The following EVC2 variants were observed in gnomAD, a reference collection of about 807,000 sequenced individuals.
EVC2 encodes the protein limbin.
Under a neutral mutation model 149.3 loss-of-function variants are expected in EVC2, and 148 were observed. The observed-to-expected ratio is 0.99, with a 90% CI of 0.87 to 1.14. The LOEUF is 1.14. Among genes scored for constraint, EVC2 ranks in the 50% most tolerant of loss-of-function variants. EVC2 has a pLI of 0.00. For synonymous variants in EVC2, 776 were observed against 649.9 expected, an observed-to-expected ratio of 1.19 and a Z score of -2.95; for missense variants, 1,854 against 1,627.3, an observed-to-expected ratio of 1.14 and a Z score of -2.40.
intron 17 of EVC2, among the ~76,000 whole-genome samples, chr4:5,580,323 A>T (rs1223968786): frequency 6.6e-6 from 1 of 152,270 alleles, no homozygotes; most frequent in East Asian, 1.9e-4. Flanking sequence ...ATTTAAGAAT[A>T]CGGCATCATC....
chr4:5,592,419 C>G (rs2108798214), intron 16 of EVC2, among the ~76,000 whole-genome samples: 1 of 152,264 alleles, frequency 6.6e-6, no homozygotes, highest in Admixed American at 6.5e-5. Flanking sequence ...TGAGAGAGGT[C>G]TTATTGTTAC....
chr4:5,691,150 A>G, intron 4 of EVC2, 115 bp downstream of exon 4: 2 of 900,130 alleles, frequency 2.2e-6, no homozygotes, highest in Non-Finnish European at 3.7e-6. Flanking sequence ...ATGTGTCTAG[A>G]CTTGTGTAGG....
intron 21 of EVC2, among the ~76,000 whole-genome samples, chr4:5,555,602 A>G (rs1162868365): frequency 6.6e-6 from 1 of 152,232 alleles, no homozygotes; most frequent in African/African-American, 2.4e-5. Context: ...ATCACCATAT[A>G]TAAGCATAAT....
chr4:5,611,841 G>C (rs1002899625), intron 16 of EVC2, among the ~76,000 whole-genome samples: 1 of 152,152 alleles, frequency 6.6e-6, no homozygotes, highest in African/African-American at 2.4e-5. Flanking sequence ...TAGGGCCTGA[G>C]TCATGTGACA....
intron 8 of EVC2, among the ~76,000 whole-genome samples, chr4:5,664,137 T>C (rs1357878505): frequency 6.6e-6 from 1 of 152,218 alleles, no homozygotes; most frequent in African/African-American, 2.4e-5. Context: ...ATGAAGCTGT[T>C]ACAACAACGC....
intron 7 of EVC2, among the ~76,000 whole-genome samples, chr4:5,675,219 C>T (rs1719912439): frequency 6.6e-6 from 1 of 152,190 alleles, no homozygotes; most frequent in Admixed American, 6.5e-5. Context: ...TATCTGAGTG[C>T]TGTTTTTAAA....
rs73063787 is a variant in EVC2, at chr4:5,638,819, G to A, written c.1470+1695C>T. Among the ~76,000 whole-genome samples the A allele has an allele frequency of 5.3e-3, 800 of 152,230 alleles. 4 individuals carry two copies. Among genetic ancestry groups the A allele is most frequent in the African/African-American group, 0.016 (685 of 41,518 alleles). On this transcript the variant is annotated intron_variant, in intron 10 of 21. Coordinates refer to ENST00000344408, the MANE Select transcript of EVC2 (RefSeq NM_147127.5). ...AAGACAGAGCAAAGATTTAAGTGAC[G>A]CAGTTACAACCCCAGGAACACCCGG...
chr4:5,617,012 T>C (rs949581566), intron 15 of EVC2, among the ~76,000 whole-genome samples: 12 of 152,216 alleles, frequency 7.9e-5, no homozygotes, highest in African/African-American at 2.7e-4. Flanking sequence ...TCAAAAATAT[T>C]TAAAATTTTT....
intron 9 of EVC2, among the ~76,000 whole-genome samples, chr4:5,649,563 G>A (rs1019710861): frequency 2.0e-5 from 3 of 151,294 alleles, no homozygotes; most frequent in African/African-American, 7.4e-5. Flanking sequence ...CAAGCAAGGT[G>A]TCAGAACAAA....
chr4:5,608,397 C>T (rs1577150979), intron 16 of EVC2, among the ~76,000 whole-genome samples: 1 of 152,192 alleles, frequency 6.6e-6, no homozygotes, highest in African/African-American at 2.4e-5. Flanking sequence ...AGGGACCTCC[C>T]ACTCTCAAGA....
At chr4:5,542,374 G>C (rs1721530901), downstream of EVC2, among the ~76,000 whole-genome samples, 1 of 152,196 alleles carries the variant, frequency 6.6e-6, no homozygotes, top group Admixed American at 6.5e-5. Flanking sequence ...AGGACCACTT[G>C]AGCCTGGGAG....
intron 12 of EVC2, among the ~76,000 whole-genome samples, chr4:5,626,714 C>T (rs1321525292): frequency 2.6e-5 from 4 of 152,140 alleles, no homozygotes; most frequent in Non-Finnish European, 4.4e-5. Context: ...GTAAAGCAGA[C>T]GGCCCTCCCC....
rs1283422559 is a variant in EVC2, at chr4:5,697,598, G to A, written c.278C>T (p.Thr93Ile). ...CAACCAGAAGAAAAACTCACCTGCA[G>A]TCTTAAAGTGACAGCATTCCACTTT... ...WPKVECCHFK[T>I]AVEAPLGMKL... is the part of the protein sequence containing the mutation. Residue 93 changes from threonine (T) to isoleucine (I), a missense_variant, in exon 2 of 22, where the codon ACT becomes ATT. Coordinates refer to ENST00000344408, the MANE Select transcript of EVC2 (RefSeq NM_147127.5). 1 of 1,614,142 alleles carries A rather than the reference G, an allele frequency of 6.2e-7. No individual in the cohort carries two copies. Among genetic ancestry groups the A allele is most frequent in the East Asian group, 2.2e-5 (1 of 44,888 alleles).
Position 5,677,967 on chromosome 4 carries a change from C to G in EVC2, c.870+3293G>C, listed in dbSNP as rs1380758144. On this transcript the variant is annotated intron_variant, in intron 7 of 21. Coordinates refer to ENST00000344408, the MANE Select transcript of EVC2 (RefSeq NM_147127.5). The surrounding 1 kb of genome is among the most constrained non-coding windows in gnomAD (Gnocchi z 4.3). ...GGAGGCGGTGTGGTCCAGTGCCTGA[C>G]AGCAGGGCTCTGGAGCCAAACTGCT... Among the ~76,000 whole-genome samples, 1 of 152,196 alleles carries G rather than the reference C, an allele frequency of 6.6e-6. No individual in the cohort carries two copies. The highest frequency in any genetic ancestry group is 1.5e-5 in the Non-Finnish European group (1 of 68,034).
intron 7 of EVC2, among the ~76,000 whole-genome samples, chr4:5,666,906 T>C (rs986880110): frequency 6.6e-6 from 1 of 152,228 alleles, no homozygotes; most frequent in Non-Finnish European, 1.5e-5. Flanking sequence ...GTTTGACTGA[T>C]AGTATGGCTG....
rs1715442469 is a variant in EVC2 at position 5,618,568 on chromosome 4, C to G, written c.2616G>C (p.Arg872=). 2 of 1,614,154 alleles carry G rather than the reference C, an allele frequency of 1.2e-6. No homozygotes were observed. Among genetic ancestry groups the G allele is most frequent in the Non-Finnish European group, 8.5e-7 (1 of 1,180,040 alleles). ...GAAATTGCTGCAGCAGAACTCGGGC[C>G]CGGATCTTGGGGAGGGCCAAGCTCC... ...MDRSLALPKI[R]ARVLLQQFQT... is the part of the protein sequence containing the mutation. Residue 872 remains arginine (R), a synonymous_variant, in exon 15 of 22, where the codon CGG becomes CGC. Transcript: ENST00000344408. This position sits in a 1 kb window ranked among gnomAD's most constrained non-coding sequence, Gnocchi z 4.4.
intron 17 of EVC2, among the ~76,000 whole-genome samples, chr4:5,583,304 A>G (rs928436636): frequency 2.6e-5 from 4 of 152,230 alleles, no homozygotes; most frequent in African/African-American, 9.6e-5. Context: ...AGATTGAAGT[A>G]TAATTGTTCT....
At chr4:5,700,366 C>A (rs918569930) in intron 1 of EVC2, among the ~76,000 whole-genome samples, 8 of 152,166 alleles carry the variant, frequency 5.3e-5, no homozygotes, top group Admixed American at 5.2e-4. Context: ...GCACCGAACT[C>A]CACACAAATG....
chr4:5,649,412 G>C lies in EVC2; in HGVS notation c.1146-8574C>G, dbSNP rs955680133. 2.6e-5 allele frequency among the ~76,000 whole-genome samples: 4 copies of C among 152,218 alleles called. No individual in the cohort carries two copies. In the East Asian group the frequency reaches 7.7e-4, roughly 29 times the overall value. ...TTGCCAATGATAACATCTTTCAAGG[G>C]AAACAGTACCGCTTAAATTATCCAA... On this transcript the variant is annotated intron_variant, in intron 9 of 21. Transcript: ENST00000344408.
Sources: allele counts gnomAD v4.1 joint callset (sites outside exome capture counted in the v4.1 genomes callset), GRCh38; gene constraint gnomAD v4.1.1; non-coding constraint Gnocchi (gnomAD v3.1); transcripts MANE v1.5; gene names NCBI Gene and HGNC (gene_info 2026-07-23, HGNC 2026-07-21).